NRG2: variants seen among roughly 807,000 people sequenced by gnomAD.
NRG2 encodes pro-neuregulin-2, membrane-bound isoform.
A neutral mutation model predicts 73.9 loss-of-function variants in NRG2; 27 were observed. The ratio of observed to expected loss-of-function variants is 0.37; its 90% CI spans 0.27 to 0.50. NRG2 has a LOEUF of 0.50. NRG2 is among the 20% of genes least tolerant of loss of function. The pLI is 0.96. For missense variants in NRG2, 1,126 were observed against 1,210.1 expected (o/e 0.93, Z 1.03); for synonymous variants, 532 against 541.0 (o/e 0.98, Z 0.23).
rs1315456321 is a variant in NRG2, at chr5:139,868,607, G to A, written c.1113-2982C>T. ...GGAGAGCCCACGGGCTGCATCTGGG[G>A]TGACAGAGAGGTCAGGACCTCTGCC... On this transcript the variant is annotated intron_variant, in intron 4 of 9. Coordinates refer to ENST00000361474, the MANE Select transcript of NRG2 (RefSeq NM_004883.3). The surrounding 1 kb of genome is among the most constrained non-coding windows in gnomAD (Gnocchi z 4.2). Among the ~76,000 whole-genome samples, 1 of 152,092 alleles carries A rather than the reference G, an allele frequency of 6.6e-6. No homozygotes were observed. The highest frequency in any genetic ancestry group is 1.5e-5 in the Non-Finnish European group (1 of 68,004).
chr5:139,988,010 G>A (rs917484146), intron 1 of NRG2, among the ~76,000 whole-genome samples: 3 of 152,212 alleles, frequency 2.0e-5, no homozygotes, highest in Non-Finnish European at 4.4e-5. Context: ...TCCTGACCTT[G>A]TGATCCGCCT....
chr5:140,023,487 T>C (rs1760404460), intron 1 of NRG2, among the ~76,000 whole-genome samples: 1 of 152,238 alleles, frequency 6.6e-6, no homozygotes, highest in Admixed American at 6.5e-5. Context: ...TAGTCTATTT[T>C]ACCTTTTTGC....
intron 1 of NRG2, among the ~76,000 whole-genome samples, chr5:139,932,033 C>G (rs1752501060): frequency 1.3e-5 from 2 of 152,122 alleles, no homozygotes; most frequent in Admixed American, 1.3e-4. Flanking sequence ...ATGGAGATTC[C>G]TAAAATAATT....
chr5:139,936,578 A>G (rs1189429297), intron 1 of NRG2, among the ~76,000 whole-genome samples: 2 of 152,194 alleles, frequency 1.3e-5, no homozygotes, highest in African/African-American at 4.8e-5. Context: ...AAATATATTT[A>G]AGAAAGAAGG....
At chr5:139,902,139 T>C (rs1443235580) in intron 1 of NRG2, among the ~76,000 whole-genome samples, 1 of 152,222 alleles carries the variant, frequency 6.6e-6, no homozygotes, top group East Asian at 1.9e-4. Context: ...TGAGTGGGCT[T>C]ATTACCCAAC....
rs1761797767 is a variant in NRG2, at chr5:139,856,150, C to G, written c.1190-372G>C. ...CAGCTCAGTCTGGCCGGTGACCCTG[C>G]CCTGCTCCACAGTGGCCTGGTAGCT... On this transcript the variant is annotated intron_variant, in intron 5 of 9. Transcript: ENST00000361474. This position sits in a 1 kb window ranked among gnomAD's most constrained non-coding sequence, Gnocchi z 4.2. 1 of 253,000 alleles carries G rather than the reference C, an allele frequency of 4.0e-6. No homozygotes were observed. The highest frequency in any genetic ancestry group is 7.3e-5 in the South Asian group (1 of 13,682). The allele number at this position is 253,000 out of a possible 1,614,324, so 15.7% of individuals were successfully genotyped here.
At chr5:139,943,859 G>A (rs940544724) in intron 1 of NRG2, among the ~76,000 whole-genome samples, 20 of 152,094 alleles carry the variant, frequency 1.3e-4, no homozygotes, top group Non-Finnish European at 2.6e-4. Context: ...CAATTTTTAT[G>A]GCAACTTCTC....
intron 1 of NRG2, among the ~76,000 whole-genome samples, chr5:139,957,333 G>A (rs1478029596): frequency 6.6e-6 from 1 of 151,942 alleles, no homozygotes; most frequent in Non-Finnish European, 1.5e-5. Context: ...GTGTGTGTGT[G>A]TGTGTGTGTG....
intron 1 of NRG2, among the ~76,000 whole-genome samples, chr5:139,964,086 A>T (rs1423125930): frequency 6.6e-6 from 1 of 152,210 alleles, no homozygotes; most frequent in African/African-American, 2.4e-5. Flanking sequence ...AAGCCCAGCC[A>T]TGCCTGGCCC....
Position 140,015,455 on chromosome 5 carries a change from G to A in NRG2, c.700+26915C>T, listed in dbSNP as rs113438785. ...TATCACTAGACTGTGAGTGTCCCAT[G>A]GGCAGGGATGTGACATATTCATCTT... On this transcript the variant is annotated intron_variant, in intron 1 of 9. Transcript: ENST00000361474. Among the ~76,000 whole-genome samples, 667 of 152,272 alleles carry A rather than the reference G, an allele frequency of 4.4e-3. 7 individuals carry two copies. The highest frequency in any genetic ancestry group is 0.027 in the South Asian group (128 of 4,824).
intron 1 of NRG2, among the ~76,000 whole-genome samples, chr5:139,922,123 C>T (rs1004363930): frequency 1.3e-5 from 2 of 149,292 alleles, no homozygotes; most frequent in Non-Finnish European, 3.0e-5. Context: ...AAGATAATGT[C>T]AAGACACTAA....
intron 1 of NRG2, among the ~76,000 whole-genome samples, chr5:139,938,879 A>AAG (rs1554110982): frequency 4.5e-5 from 4 of 89,668 alleles, no homozygotes; most frequent in African/African-American, 2.6e-4. Flanking sequence ...AGAGAGAGAG[A>AAG]GAAGGAAAGA....
chr5:140,002,197 G>A (rs943051334), intron 1 of NRG2, among the ~76,000 whole-genome samples: 4 of 151,844 alleles, frequency 2.6e-5, no homozygotes, highest in Non-Finnish European at 5.9e-5. Context: ...AAATAATAAA[G>A]TAAATAAATA....
Position 139,848,436 on chromosome 5 carries a change from A to G in NRG2, c.2034T>C (p.Tyr678=). The G allele has an allele frequency of 7.7e-7, 1 of 1,300,836 alleles. No individual in the cohort carries two copies. Among genetic ancestry groups the G allele is most frequent in the Non-Finnish European group, 9.7e-7 (1 of 1,034,884 alleles). 80.6% of individuals were successfully genotyped at this position (1,300,836 alleles called of 1,614,324 possible). A position where few individuals can be genotyped will look rare whatever the true frequency, so the allele number is the denominator to read the frequency against. Residue 678 remains tyrosine (Y), a synonymous_variant, in exon 10 of 10, where the codon TAT becomes TAC. Transcript: ENST00000361474. ...GCGGTCCGGGCCCCGCCGCGGGGTAATAGTAGCTGTCATAGCTGCGCTGCA... is the reference window on the plus strand; with the variant it reads ...GCGGTCCGGGCCCCGCCGCGGGGTAGTAGTAGCTGTCATAGCTGCGCTGCA... The part of the protein sequence containing the change: ...ADMQRSYDSY[Y]YPAAGPGPRR...
At chr5:139,899,623 C>T (rs1006902947) in intron 1 of NRG2, among the ~76,000 whole-genome samples, 7 of 152,226 alleles carry the variant, frequency 4.6e-5, no homozygotes, top group African/African-American at 1.7e-4. Context: ...CTCCTGTTCA[C>T]ACCTTACTGC....
chr5:139,967,663 T>C (rs1395364615), intron 1 of NRG2, among the ~76,000 whole-genome samples: 1 of 152,142 alleles, frequency 6.6e-6, no homozygotes, highest in African/African-American at 2.4e-5. Flanking sequence ...CCTTGGGTCT[T>C]GATTTTCTTA....
chr5:139,910,579 A>C (rs1765508778), intron 1 of NRG2, among the ~76,000 whole-genome samples: 1 of 152,216 alleles, frequency 6.6e-6, no homozygotes, highest in African/African-American at 2.4e-5. Flanking sequence ...TTCATCTCTC[A>C]TCTCCCTGAA....
intron 1 of NRG2, among the ~76,000 whole-genome samples, chr5:139,972,317 G>T (rs940620116): frequency 7.2e-5 from 11 of 152,178 alleles, no homozygotes; most frequent in African/African-American, 1.4e-4. Flanking sequence ...TTAGGTAGAT[G>T]TTTATGTCAC....
intron 1 of NRG2, among the ~76,000 whole-genome samples, chr5:139,956,680 A>G (rs1754651429): frequency 6.6e-6 from 1 of 152,256 alleles, no homozygotes; most frequent in Non-Finnish European, 1.5e-5. Flanking sequence ...CCACGTAGCC[A>G]TTAGATGGAA....
Sources: allele counts gnomAD v4.1 joint callset (sites outside exome capture counted in the v4.1 genomes callset), GRCh38; gene constraint gnomAD v4.1.1; non-coding constraint Gnocchi (gnomAD v3.1); transcripts MANE v1.5; gene names NCBI Gene and HGNC (gene_info 2026-07-23, HGNC 2026-07-21).